Variants in WRN observed in about 807,000 individuals in gnomAD.
WRN encodes the protein WRN RecQ like helicase.
In WRN, 149 loss-of-function variants were observed where a neutral mutation model predicts 180.7. The ratio of observed to expected loss-of-function variants is 0.82; its 90% confidence interval spans 0.72 to 0.94. The LOEUF (loss-of-function observed/expected upper bound fraction) is 0.94. Among genes scored for constraint, WRN ranks in the 40% least tolerant of loss-of-function variants. The probability of loss-of-function intolerance (pLI) is 0.00; values close to 1 mark genes in which losing one functional copy is unlikely to be tolerated. For synonymous variants in WRN, 548 were observed against 568.9 expected, an observed-to-expected ratio of 0.96 and a Z score of 0.52; for missense variants, 1,661 against 1,700.1, an observed-to-expected ratio of 0.98 and a Z score of 0.40.
At chr8:31,090,795 A>AT (rs772011738) in intron 14 of WRN, 39 bp from the exon 15 acceptor site, 8 of 1,487,110 alleles carry the variant, frequency 5.4e-6, no homozygotes, top group Admixed American at 3.5e-5. Flanking sequence ...TTATTTCTAT[A>AT]TTTTTTTCAT....
At chr8:31,155,246 T>C (rs1331850950) in intron 32 of WRN, among the ~76,000 whole-genome samples, 1 of 152,214 alleles carries the variant, frequency 6.6e-6, no homozygotes, top group East Asian at 1.9e-4. Context: ...ACTGGAAATA[T>C]GTTTTTAAAA....
At chr8:31,116,260 G>T in intron 19 of WRN, 94 bp from the exon 20 acceptor site, 2 of 1,273,380 alleles carry the variant, frequency 1.6e-6, no homozygotes, top group East Asian at 2.5e-5. Context: ...TTCTTTAGAA[G>T]GTAGAAAGGA....
At chr8:31,147,196 T>A in intron 29 of WRN, 68 bp downstream of exon 29, 2 of 1,549,406 alleles carry the variant, frequency 1.3e-6, no homozygotes, top group Non-Finnish European at 1.8e-6. Flanking sequence ...TGCTTAAAAT[T>A]CTGTATTTTG....
rs772205458 is a variant in WRN at position 31,143,605 on chromosome 8, G to C, written c.3365G>C (p.Ser1122Thr). Residue 1122 changes from serine to threonine, a missense_variant, in exon 28 of 35, where the codon AGT (serine) becomes ACT (threonine). Transcript: ENST00000298139. ...YKPCDKISSG[S>T]NISKKSIMVQ... Reference sequence around the variant, plus strand: ...CCATGTGATAAGATTTCTTCTGGGAGTAACATTTCTAAAAAAAGGTACAGA... The same window carrying C: ...CCATGTGATAAGATTTCTTCTGGGACTAACATTTCTAAAAAAAGGTACAGA... 1 of 1,588,122 alleles carries C rather than the reference G, an allele frequency of 6.3e-7. No individual in the cohort carries two copies. Among genetic ancestry groups the C allele is most frequent in the Non-Finnish European group, 8.6e-7 (1 of 1,157,690 alleles).
At chr8:31,130,740 C>T (rs1269944491) in intron 23 of WRN, among the ~76,000 whole-genome samples, 1 of 141,682 alleles carries the variant, frequency 7.1e-6, no homozygotes, top group Non-Finnish European at 1.5e-5. Flanking sequence ...CAGATTGCCC[C>T]ACAAGTAACA....
In WRN at chr8:31,167,221, C is replaced by T; in HGVS notation, c.4182C>T (p.Ile1394=). 1.2e-6 allele frequency: 2 copies of T among 1,612,164 alleles called. No individual in the cohort carries two copies. The highest frequency in any genetic ancestry group is 2.2e-5 in the South Asian group (2 of 90,972). ...SSKRSKEEVG[I]NTETSSAERK... The stretch of plus-strand genomic sequence containing the variant: ...AGAGAAGCAAGGAAGAAGTAGGCAT[C>T]AATACTGAGGTATTAATTATATATA... The change falls in exon 34 of 35, where the codon ATC becomes ATT. Residue 1394 remains isoleucine, a synonymous_variant. Coordinates refer to ENST00000298139, the MANE Select transcript of WRN (RefSeq NM_000553.6).
chr8:31,095,652 A>G (rs971661192), intron 16 of WRN, among the ~76,000 whole-genome samples: 6 of 152,236 alleles, frequency 3.9e-5, no homozygotes, highest in African/African-American at 1.4e-4. Flanking sequence ...ATGCTTTTAC[A>G]CTGAATTGAC....
At chr8:31,168,644 T>TC (rs1237120909) in intron 34 of WRN, among the ~76,000 whole-genome samples, 1 of 150,432 alleles carries the variant, frequency 6.6e-6, no homozygotes. Flanking sequence ...AAGAGGTGAG[T>TC]AAGTCATCCA....
chr8:31,056,568 T>TAGA (rs1394466442), intron 1 of WRN, among the ~76,000 whole-genome samples: 1 of 152,202 alleles, frequency 6.6e-6, no homozygotes, highest in Admixed American at 6.5e-5. Flanking sequence ...CAATTGCAGG[T>TAGA]AGAACATTCT....
chr8:31,132,368 G>A lies in WRN; in HGVS notation c.2829G>A (p.Leu943=), dbSNP rs1275133985. 1 of 1,613,454 alleles carries A rather than the reference G, an allele frequency of 6.2e-7. No individual in the cohort carries two copies. Among genetic ancestry groups the A allele is most frequent in the Non-Finnish European group, 8.5e-7 (1 of 1,179,882 alleles). Residue 943 remains leucine, a synonymous_variant, in exon 24 of 35, where the codon TTG becomes TTA. Transcript: ENST00000298139. ...AAATGTTATTATTTTTATTTAGATT[G>A]GATCATTGCTATTCCATGGATGACT... is the stretch of plus-strand genomic sequence containing the variant. ...EKCCDNCRSR[L]DHCYSMDDSE...
At chr8:31,150,853 C>T (rs908203665) in intron 31 of WRN, among the ~76,000 whole-genome samples, 1 of 152,186 alleles carries the variant, frequency 6.6e-6, no homozygotes, top group East Asian at 1.9e-4. Flanking sequence ...TCTCTAATCT[C>T]CCTCCCCTTC....
At chr8:31,083,228 C>T (rs1365543767) in intron 9 of WRN, among the ~76,000 whole-genome samples, 1 of 152,124 alleles carries the variant, frequency 6.6e-6, no homozygotes, top group East Asian at 1.9e-4. Flanking sequence ...ATAGAGAATG[C>T]TTTTTGTAAA....
At chr8:31,066,413 C>T (rs7461812) in intron 5 of WRN, among the ~76,000 whole-genome samples, 80,621 of 151,560 alleles carry the variant, frequency 0.53, 23,146 homozygotes, top group Non-Finnish European at 0.63. Context: ...GTCTTGATCT[C>T]CTGACCTCAT....
intron 5 of WRN, 126 bp downstream of exon 5, chr8:31,065,189 A>G: frequency 2.1e-5 from 20 of 962,762 alleles, no homozygotes; most frequent in Non-Finnish European, 3.0e-5. Context: ...GTAGCAATAA[A>G]AAAGTTCCAA....
chr8:31,038,635 T>G (rs13269094), intron 1 of WRN, among the ~76,000 whole-genome samples: 25,660 of 152,068 alleles, frequency 0.17, 2,349 homozygotes, highest in African/African-American at 0.25. Context: ...CCAAATCCAA[T>G]GCCATGAAGA....
At chr8:31,048,790 T>C (rs557372123) in intron 1 of WRN, among the ~76,000 whole-genome samples, 15 of 152,320 alleles carry the variant, frequency 9.8e-5, no homozygotes, top group African/African-American at 3.4e-4. Context: ...CCAAACGGAA[T>C]TGCTGGAGTA....
chr8:31,126,161 A>G (rs1318235086), intron 23 of WRN, among the ~76,000 whole-genome samples: 1 of 152,150 alleles, frequency 6.6e-6, no homozygotes, highest in Non-Finnish European at 1.5e-5. Context: ...GCTGGATCTC[A>G]TTGACCTTTT....
At position 31,124,997 on chromosome 8, in the gene WRN, C is replaced by A. The variant is rs746183898; in HGVS notation, c.2822C>A (p.Ser941Tyr). Reference protein sequence around the residue: ...GTEKCCDNCRSRLDHCYSMDD... With the variant: ...GTEKCCDNCRYRLDHCYSMDD... ...GAAAAATGCTGTGATAATTGCAGGT[C>A]CAGGTAAAGATTTCTTATTATAGAT... is the stretch of plus-strand genomic sequence containing the variant. The change falls in exon 23 of 35, where the codon TCC becomes TAC. Residue 941 changes from serine to tyrosine, a missense_variant. Transcript: ENST00000298139. 80 of 1,612,094 alleles carry A rather than the reference C, an allele frequency of 5.0e-5. No homozygotes were observed. Among genetic ancestry groups the A allele is most frequent in the Non-Finnish European group, 6.5e-5 (77 of 1,178,762 alleles).
chr8:31,058,320 C>A (rs904146243), intron 1 of WRN, 52 bp from the exon 2 acceptor site: 1 of 780,722 alleles, frequency 1.3e-6, no homozygotes, highest in Non-Finnish European at 2.1e-6. Context: ...TCATAACTTA[C>A]TTTAAATATG....
Sources: gnomAD v4.1 joint callset for allele counts (sites outside exome capture counted in the v4.1 genomes callset) on GRCh38, gnomAD v4.1.1 for gene constraint, MANE v1.5 for transcripts, NCBI Gene and HGNC (gene_info 2026-07-23, HGNC 2026-07-21) for gene names.